GATA6: variants seen among roughly 807,000 people sequenced by gnomAD.
GATA6 encodes the protein GATA binding protein 6.
Under a neutral mutation model 48.1 loss-of-function variants are expected in GATA6, and 11 were observed. The ratio of observed to expected loss-of-function variants is 0.23; its 90% confidence interval spans 0.14 to 0.38. GATA6 has a LOEUF of 0.38. GATA6 is among the 10% of genes least tolerant of loss of function. The pLI is 1.00. For synonymous variants in GATA6, 419 were observed against 396.1 expected, an observed-to-expected ratio of 1.06 and a Z score of -0.69; for missense variants, 795 against 850.3, an observed-to-expected ratio of 0.93 and a Z score of 0.81.
intron 3 of GATA6, among the ~76,000 whole-genome samples, chr18:22,179,082 T>C (rs1365324103): frequency 6.6e-6 from 1 of 152,172 alleles, no homozygotes; most frequent in Non-Finnish European, 1.5e-5. Context: ...AAAGAACAGT[T>C]TTTAGCATTT....
intron 6 of GATA6, among the ~76,000 whole-genome samples, chr18:22,183,474 C>T (rs182998890): frequency 2.8e-4 from 42 of 151,786 alleles, no homozygotes; most frequent in Non-Finnish European, 4.7e-4. Context: ...CCTATCAATT[C>T]CAGCCTTTTT....
rs541907898 is a variant in GATA6 at position 22,187,440 on chromosome 18, A to C, written c.1620+4397A>C. Among the ~76,000 whole-genome samples the C allele has an allele frequency of 3.9e-5, 6 of 152,132 alleles. No individual in the cohort carries two copies. The East Asian group carries it at 1.2e-3, about 29-fold the overall frequency. ...GGTTGCAGTGAGCTGAGATTGCACCATTGCACCCCAGCCTGGGCAACAAGA... is the reference window on the plus strand; with the variant it reads ...GGTTGCAGTGAGCTGAGATTGCACCCTTGCACCCCAGCCTGGGCAACAAGA... On this transcript the variant is annotated intron_variant, in intron 6 of 6. Transcript: ENST00000269216.
At position 22,171,802 on chromosome 18, in the gene GATA6, G is replaced by A; in HGVS notation, c.658G>A (p.Gly220Ser). 7.7e-7 allele frequency: 1 copy of A among 1,298,810 alleles called. No homozygotes were observed. Among genetic ancestry groups the A allele is most frequent in the East Asian group, 3.2e-5 (1 of 30,844 alleles). The allele number at this position is 1,298,810 out of a possible 1,614,324, so 80.5% of individuals were successfully genotyped here. A position where few individuals can be genotyped will look rare whatever the true frequency, so the allele number is the denominator to read the frequency against. The change falls in exon 2 of 7, where the codon GGC becomes AGC. Residue 220 changes from glycine to serine, a missense_variant. Around this residue, in one of 5 missense-constraint regions of GATA6, gnomAD observed 591 missense variants for 570.0 expected, o/e 1.04. Transcript: ENST00000269216. The surrounding 1 kb of genome is among the most constrained non-coding windows in gnomAD (Gnocchi z 7.1). ...SGPANHAGGA[G>S]AHPGWPQASA... ...GCCAGCCAACCACGCGGGCGGCGCG[G>A]GCGCGCACCCCGGCTGGCCTCAGGC...
chr18:22,194,080 A>AC (rs2033360771), intron 6 of GATA6, among the ~76,000 whole-genome samples: 1 of 152,196 alleles, frequency 6.6e-6, no homozygotes, highest in Admixed American at 6.5e-5. Context: ...GAAAAAAAAA[A>AC]AAAAATTCTA....
intron 6 of GATA6, among the ~76,000 whole-genome samples, chr18:22,187,563 C>T (rs1174535273): frequency 4.0e-5 from 6 of 151,778 alleles, no homozygotes; most frequent in Middle Eastern, 3.4e-3. Flanking sequence ...TCTTGAATTC[C>T]GTTTATTGAC....
At chr18:22,183,077 C>T (rs376040656) in intron 6 of GATA6, 34 bp downstream of exon 6, 62 of 1,473,004 alleles carry the variant, frequency 4.2e-5, no homozygotes, top group Non-Finnish European at 5.5e-5. Context: ...TCCTAAATTA[C>T]TGGGCTGCTC....
At chr18:22,183,385 C>T (rs1003582545) in intron 6 of GATA6, among the ~76,000 whole-genome samples, 13 of 152,106 alleles carry the variant, frequency 8.5e-5, no homozygotes, top group Middle Eastern at 3.4e-3. Context: ...TATGTATTTC[C>T]GATGTAGATC....
At chr18:22,178,540 CAT>C (rs2033155544) in intron 3 of GATA6, among the ~76,000 whole-genome samples, 2 of 152,210 alleles carry the variant, frequency 1.3e-5, no homozygotes, top group Non-Finnish European at 1.5e-5. Context: ...AAATGCTACA[CAT>C]GTTGTTTGTG....
intron 6 of GATA6, among the ~76,000 whole-genome samples, chr18:22,186,308 T>A (rs2033261260): frequency 6.6e-6 from 1 of 152,112 alleles, no homozygotes; most frequent in African/African-American, 2.4e-5. Context: ...GGGCCACATA[T>A]CCCTCCATTT....
chr18:22,173,868 C>A (rs1442461863), intron 2 of GATA6, among the ~76,000 whole-genome samples: 1 of 152,242 alleles, frequency 6.6e-6, no homozygotes, highest in East Asian at 1.9e-4. Context: ...CTCTTGACTT[C>A]AGGCGATCCA....
At position 22,185,110 on chromosome 18, in the gene GATA6, G is replaced by A. The variant is rs980700412; in HGVS notation, c.1620+2067G>A. On this transcript the variant is annotated intron_variant, in intron 6 of 6. Coordinates refer to ENST00000269216, the MANE Select transcript of GATA6 (RefSeq NM_005257.6). The surrounding 1 kb of genome is among the most constrained non-coding windows in gnomAD (Gnocchi z 4.3). ...AAATTTGCTATTAGCAAGTCCTATC[G>A]GTTGCTGTCCAGCGAAAGGAGTGAA... Among the ~76,000 whole-genome samples, 6 of 152,160 alleles carry A rather than the reference G, an allele frequency of 3.9e-5. No homozygotes were observed. The highest frequency in any genetic ancestry group is 9.6e-5 in the African/African-American group (4 of 41,454).
At chr18:22,200,404 G>A (rs1303180246) in intron 6 of GATA6, among the ~76,000 whole-genome samples, 1 of 152,188 alleles carries the variant, frequency 6.6e-6, no homozygotes, top group African/African-American at 2.4e-5. Flanking sequence ...CCTGCCCTGA[G>A]TTCTAAAGTT....
At chr18:22,186,893 C>T (rs2033268714) in intron 6 of GATA6, among the ~76,000 whole-genome samples, 1 of 152,156 alleles carries the variant, frequency 6.6e-6, no homozygotes, top group Non-Finnish European at 1.5e-5. Flanking sequence ...ATGACCTTGC[C>T]ACCTTATGAC....
intron 6 of GATA6, among the ~76,000 whole-genome samples, chr18:22,184,097 C>T (rs2033231959): frequency 6.6e-6 from 1 of 152,184 alleles, no homozygotes; most frequent in Non-Finnish European, 1.5e-5. Flanking sequence ...ACAAGTGCCC[C>T]AGGTGAAATT....
Position 22,170,634 on chromosome 18 carries a change from C to G in GATA6, c.-37-474C>G, listed in dbSNP as rs1367285623. Among the ~76,000 whole-genome samples, 1 of 152,194 alleles carries G rather than the reference C, an allele frequency of 6.6e-6. No individual in the cohort carries two copies. Among genetic ancestry groups the G allele is most frequent in the Non-Finnish European group, 1.5e-5 (1 of 68,034 alleles). On this transcript the variant is annotated intron_variant, in intron 1 of 6. Coordinates refer to ENST00000269216, the MANE Select transcript of GATA6 (RefSeq NM_005257.6). The surrounding 1 kb of genome is among the most constrained non-coding windows in gnomAD (Gnocchi z 6.7). ...GTTTTCCCGTGGGGAACCCTCACCCCGAGGCATTTCGGGAGAGGGGCATCC... is the reference window on the plus strand; with the variant it reads ...GTTTTCCCGTGGGGAACCCTCACCCGGAGGCATTTCGGGAGAGGGGCATCC...
At chr18:22,199,259 A>G (rs1355813131) in intron 6 of GATA6, among the ~76,000 whole-genome samples, 1 of 152,170 alleles carries the variant, frequency 6.6e-6, no homozygotes, top group Non-Finnish European at 1.5e-5. Flanking sequence ...ATGCTGTTTT[A>G]AGGATTTAAT....
chr18:22,171,634 G>A lies in GATA6; in HGVS notation c.490G>A (p.Gly164Ser). 1 of 1,592,022 alleles carries A rather than the reference G, an allele frequency of 6.3e-7. No individual in the cohort carries two copies. Among genetic ancestry groups the A allele is most frequent in the South Asian group, 1.1e-5 (1 of 89,922 alleles). Residue 164 changes from glycine (G) to serine (S), a missense_variant, in exon 2 of 7, where the codon GGC becomes AGC. Coordinates refer to ENST00000269216, the MANE Select transcript of GATA6 (RefSeq NM_005257.6). The surrounding 1 kb of genome is among the most constrained non-coding windows in gnomAD (Gnocchi z 7.1). Reference protein sequence around the residue: ...LSSQGPAAYDGAPGGFVHSAA... With the variant: ...LSSQGPAAYDSAPGGFVHSAA... ...CAGCCAGGGTCCGGCCGCCTACGAC[G>A]GCGCGCCCGGCGGCTTCGTGCACTC...
chr18:22,201,471 T>A lies in GATA6; in HGVS notation c.*648T>A, dbSNP rs569560409. 3.3e-5 allele frequency: 5 copies of A among 152,942 alleles called. No individual in the cohort carries two copies. Among genetic ancestry groups the A allele is most frequent in the Non-Finnish European group, 4.4e-5 (3 of 68,156 alleles). 9.5% of individuals were successfully genotyped at this position (152,942 alleles called of 1,614,324 possible). A position where few individuals can be genotyped will look rare whatever the true frequency, so the allele number is the denominator to read the frequency against. ...TCTTCCATGTATACAATAATTTTTT[T>A]AAAAAGTGCAATTTGCGTTGCAGCA... On this transcript the variant is annotated 3_prime_UTR_variant, in exon 7 of 7. Transcript: ENST00000269216.
Position 22,172,216 on chromosome 18 carries a change from G to T in GATA6, c.1072G>T (p.Val358Leu), listed in dbSNP as rs1299145122. 1 of 1,534,450 alleles carries T rather than the reference G, an allele frequency of 6.5e-7. No homozygotes were observed. The highest frequency in any genetic ancestry group is 2.4e-5 in the East Asian group (1 of 40,848). Reference sequence around the variant, plus strand: ...GCCCGCCGGACCCTTCGAGACCCCGGTGCTGCACAGCCTGCAGAGCCGCGC... The same window carrying T: ...GCCCGCCGGACCCTTCGAGACCCCGTTGCTGCACAGCCTGCAGAGCCGCGC... ...AWPAGPFETP[V>L]LHSLQSRAGA... The change falls in exon 2 of 7, where the codon GTG becomes TTG. Residue 358 changes from valine to leucine, a missense_variant. By Grantham distance (32) the Val-to-Leu change is conservative (BLOSUM62 1). Coordinates refer to ENST00000269216, the MANE Select transcript of GATA6 (RefSeq NM_005257.6). The surrounding 1 kb of genome is among the most constrained non-coding windows in gnomAD (Gnocchi z 5.2).
Sources: gnomAD v4.1 joint callset for allele counts (sites outside exome capture counted in the v4.1 genomes callset) on GRCh38, gnomAD v4.1.1 for gene constraint, gnomAD v4.1.1 regional missense constraint, Gnocchi (gnomAD v3.1) non-coding constraint, MANE v1.5 for transcripts, NCBI Gene and HGNC (gene_info 2026-07-23, HGNC 2026-07-21) for gene names.